Variants in KCND3 observed in about 807,000 individuals in gnomAD.
KCND3 encodes the protein A-type voltage-gated potassium channel KCND3.
KCND3 carries 9 observed loss-of-function variants against 51.1 expected under a neutral mutation model. That is an observed-to-expected ratio of 0.18 (90% CI 0.11 to 0.31). KCND3 has a LOEUF of 0.31. KCND3 is among the 10% of genes least tolerant of loss of function. KCND3 has a pLI of 1.00. For missense variants in KCND3, 526 were observed against 903.8 expected (o/e 0.58, Z 5.36); for synonymous variants, 349 against 368.0 (o/e 0.95, Z 0.59).
At chr1:111,966,167 C>T (rs539769643) in intron 2 of KCND3, among the ~76,000 whole-genome samples, 13 of 152,316 alleles carry the variant, frequency 8.5e-5, no homozygotes, top group African/African-American at 2.6e-4. Flanking sequence ...AGCCCACACG[C>T]TTACCCTCTC....
intron 2 of KCND3, among the ~76,000 whole-genome samples, chr1:111,939,560 C>A (rs893216130): frequency 6.6e-6 from 1 of 152,168 alleles, no homozygotes; most frequent in Non-Finnish European, 1.5e-5. Context: ...TGAACTCATC[C>A]TTTTTTATGG....
intron 2 of KCND3, among the ~76,000 whole-genome samples, chr1:111,892,256 G>A (rs1669866934): frequency 6.6e-6 from 1 of 152,190 alleles, no homozygotes. Context: ...GCTTGTGCAT[G>A]AAGCCTGCCT....
At chr1:111,779,521 A>G (rs1664280025) in intron 5 of KCND3, among the ~76,000 whole-genome samples, 1 of 152,098 alleles carries the variant, frequency 6.6e-6, no homozygotes, top group Admixed American at 6.6e-5. Context: ...TTCCCTGTCT[A>G]CTATTCCTAG....
chr1:111,892,722 C>A (rs1392075795), intron 2 of KCND3, among the ~76,000 whole-genome samples: 1 of 152,202 alleles, frequency 6.6e-6, no homozygotes, highest in Non-Finnish European at 1.5e-5. Context: ...GACTGGTAAT[C>A]AGAAAAGGTC....
chr1:111,854,898 A>T (rs757497631), intron 2 of KCND3, among the ~76,000 whole-genome samples: 1 of 152,158 alleles, frequency 6.6e-6, no homozygotes. Flanking sequence ...CTCGCTGTCT[A>T]GTCAGTGCCA....
At chr1:111,887,560 C>T (rs138312980) in intron 2 of KCND3, among the ~76,000 whole-genome samples, 1 of 152,252 alleles carries the variant, frequency 6.6e-6, no homozygotes, top group African/African-American at 2.4e-5. Context: ...GGCAAATGAC[C>T]CCCGGTCACT....
At chr1:111,911,948 C>T (rs1670969488) in intron 2 of KCND3, among the ~76,000 whole-genome samples, 1 of 152,184 alleles carries the variant, frequency 6.6e-6, no homozygotes, top group African/African-American at 2.4e-5. Flanking sequence ...AAACAGAGCC[C>T]AGAATTCTTG....
chr1:111,875,446 C>T (rs1021013271), intron 2 of KCND3, among the ~76,000 whole-genome samples: 5 of 152,172 alleles, frequency 3.3e-5, no homozygotes, highest in Non-Finnish European at 7.4e-5. Context: ...CTTAAAATAA[C>T]TAGGTTGTAG....
chr1:111,848,857 T>C (rs1382391674), intron 2 of KCND3, among the ~76,000 whole-genome samples: 1 of 152,202 alleles, frequency 6.6e-6, no homozygotes, highest in Non-Finnish European at 1.5e-5. Context: ...CGGGATGTGC[T>C]GTCCACAGGG....
intron 2 of KCND3, among the ~76,000 whole-genome samples, chr1:111,852,906 A>C (rs574537808): frequency 2.1e-4 from 32 of 152,092 alleles, no homozygotes; most frequent in African/African-American, 7.5e-4. Flanking sequence ...CTGCTCTCCC[A>C]CAGCACCCTT....
chr1:111,849,661 C>T (rs943083618), intron 2 of KCND3, among the ~76,000 whole-genome samples: 1 of 152,236 alleles, frequency 6.6e-6, no homozygotes, highest in African/African-American at 2.4e-5. Context: ...TGAGAAGGGG[C>T]TGAAATCTGC....
chr1:111,884,238 C>G (rs1669467470), intron 2 of KCND3, among the ~76,000 whole-genome samples: 1 of 152,144 alleles, frequency 6.6e-6, no homozygotes, highest in African/African-American at 2.4e-5. Flanking sequence ...AGTTTCAACT[C>G]AATTCTCTTG....
chr1:111,898,250 G>T (rs1670213660), intron 2 of KCND3, among the ~76,000 whole-genome samples: 2 of 152,084 alleles, frequency 1.3e-5, no homozygotes, highest in African/African-American at 4.8e-5. Context: ...TCTTTACCAT[G>T]ATTCTACCTC....
chr1:111,922,127 C>T (rs1241832297), intron 2 of KCND3, among the ~76,000 whole-genome samples: 5 of 152,180 alleles, frequency 3.3e-5, no homozygotes, highest in African/African-American at 4.8e-5. Flanking sequence ...TTGTCCAAGA[C>T]GAACACAAGA....
At chr1:111,949,205 C>A (rs1200468237) in intron 2 of KCND3, among the ~76,000 whole-genome samples, 1 of 152,194 alleles carries the variant, frequency 6.6e-6, no homozygotes, top group East Asian at 1.9e-4. Flanking sequence ...TCACTCACAG[C>A]AAAGTGAGCC....
intron 2 of KCND3, among the ~76,000 whole-genome samples, chr1:111,809,850 C>T (rs138607664): frequency 1.5e-3 from 227 of 152,312 alleles, no homozygotes; most frequent in African/African-American, 5.2e-3. Context: ...TGTTCATCAG[C>T]TCCAGGGAGA....
chr1:111,938,740 C>A (rs139892499), intron 2 of KCND3, among the ~76,000 whole-genome samples: 1 of 152,094 alleles, frequency 6.6e-6, no homozygotes, highest in Non-Finnish European at 1.5e-5. Flanking sequence ...GCAGGGAGGC[C>A]GCCAGGACTG....
chr1:111,775,707 T>C lies in KCND3; in HGVS notation c.*370A>G, dbSNP rs1257478682. ...TTGGCCTCTTTGCTGCTCTTGGTCTTGTATTTTCCTCACTGGGGTCTCCAG... is the reference window on the plus strand; with the variant it reads ...TTGGCCTCTTTGCTGCTCTTGGTCTCGTATTTTCCTCACTGGGGTCTCCAG... On this transcript the variant is annotated 3_prime_UTR_variant, in exon 8 of 8. Transcript: ENST00000302127. 6.1e-6 allele frequency: 2 copies of C among 330,200 alleles called. No individual in the cohort carries two copies. The highest frequency in any genetic ancestry group is 1.3e-4 in the East Asian group (2 of 14,872). The allele number at this position is 330,200 out of a possible 1,614,324, so 20.5% of individuals were successfully genotyped here.
chr1:111,840,695 C>T (rs904498150), intron 2 of KCND3, among the ~76,000 whole-genome samples: 1 of 152,176 alleles, frequency 6.6e-6, no homozygotes, highest in Non-Finnish European at 1.5e-5. Context: ...CTGTATTCCC[C>T]TTTGGCTCTT....
Sources: gnomAD v4.1 joint callset for allele counts (sites outside exome capture counted in the v4.1 genomes callset) on GRCh38, gnomAD v4.1.1 for gene constraint, MANE v1.5 for transcripts, NCBI Gene and HGNC (gene_info 2026-07-23, HGNC 2026-07-21) for gene names.